Variants in FAM120A observed in about 807,000 individuals in gnomAD.
FAM120A encodes the protein family with sequence similarity 120 member A.
A neutral mutation model predicts 109.7 loss-of-function variants in FAM120A; 15 were observed. That is an observed-to-expected ratio of 0.14 (90% CI 0.09 to 0.21). The LOEUF (loss-of-function observed/expected upper bound fraction) is 0.21, where lower values mean the gene tolerates loss of function less well. Ranked by LOEUF, FAM120A falls within the 10% of genes least tolerant of loss-of-function variation. FAM120A has a pLI of 1.00. For missense variants in FAM120A, 899 were observed against 1,439.3 expected (o/e 0.62, Z 6.07); for synonymous variants, 493 against 572.8 (o/e 0.86, Z 1.99).
At position 93,500,791 on chromosome 9, in the gene FAM120A, A is replaced by C. The variant is rs1470920727; in HGVS notation, c.1030+1905A>C. ...TCAGTGTGTCTACTGTATACCCTGC[A>C]CACAGAAGATGTCTAATAATTGCTT... On this transcript the variant is annotated intron_variant, in intron 5 of 17. Transcript: ENST00000277165. The surrounding 1 kb of genome is among the most constrained non-coding windows in gnomAD (Gnocchi z 4.6). Among the ~76,000 whole-genome samples, 1 of 152,204 alleles carries C rather than the reference A, an allele frequency of 6.6e-6. No homozygotes were observed. The highest frequency in any genetic ancestry group is 1.5e-5 in the Non-Finnish European group (1 of 68,040).
intron 5 of FAM120A, among the ~76,000 whole-genome samples, chr9:93,499,402 C>T (rs141263438): frequency 0.018 from 2,711 of 152,022 alleles, 29 homozygotes; most frequent in Non-Finnish European, 0.024. Context: ...ATTTTTGTGC[C>T]CCAGCCTCCT....
intron 1 of FAM120A, among the ~76,000 whole-genome samples, chr9:93,468,505 TA>T (rs1858157659): frequency 6.6e-6 from 1 of 152,200 alleles, no homozygotes; most frequent in African/African-American, 2.4e-5. Context: ...AGCTTTTCAT[TA>T]GGTTTTTTTC....
intron 11 of FAM120A, 90 bp from the exon 12 acceptor site, chr9:93,550,487 C>T (rs943022757): frequency 8.9e-6 from 8 of 896,230 alleles, no homozygotes; most frequent in Admixed American, 1.7e-5. Flanking sequence ...TCACATCATC[C>T]GGGATTTACC....
In FAM120A at chr9:93,532,899, G is replaced by A. The variant is rs1002058946; in HGVS notation, c.1909+570G>A. 1.3e-5 allele frequency among the ~76,000 whole-genome samples: 2 copies of A among 152,182 alleles called. No individual in the cohort carries two copies. The highest frequency in any genetic ancestry group is 4.8e-5 in the African/African-American group (2 of 41,442). On this transcript the variant is annotated intron_variant, in intron 10 of 17. Transcript: ENST00000277165. This position sits in a 1 kb window ranked among gnomAD's most constrained non-coding sequence, Gnocchi z 4.3. ...CTTCCAGCTGATCAACTCTGGGAGT[G>A]GGGGGTGCAGGTGGAAACACTGAAA...
At chr9:93,490,240 T>C (rs1451098842) in intron 3 of FAM120A, among the ~76,000 whole-genome samples, 2 of 152,238 alleles carry the variant, frequency 1.3e-5, no homozygotes, top group Non-Finnish European at 2.9e-5. Context: ...CAATGGTACT[T>C]TGTGAAACCT....
At chr9:93,474,707 C>T (rs1176097240) in intron 2 of FAM120A, among the ~76,000 whole-genome samples, 1 of 152,138 alleles carries the variant, frequency 6.6e-6, no homozygotes, top group Non-Finnish European at 1.5e-5. Flanking sequence ...CATTCTCCCA[C>T]CTCAGCCTCC....
intron 12 of FAM120A, among the ~76,000 whole-genome samples, chr9:93,554,852 C>T (rs773889352): frequency 2.6e-5 from 4 of 152,166 alleles, no homozygotes; most frequent in Admixed American, 6.5e-5. Flanking sequence ...GAGAGGGGCA[C>T]GGAGGCCCCT....
chr9:93,453,214 A>C, intron 1 of FAM120A: 2 of 1,003,090 alleles, frequency 2.0e-6, no homozygotes, highest in Non-Finnish European at 2.4e-6. Flanking sequence ...GTGCACAGTA[A>C]GTATTCAGTG....
At chr9:93,524,873 C>T (rs927467326) in intron 7 of FAM120A, among the ~76,000 whole-genome samples, 2 of 152,100 alleles carry the variant, frequency 1.3e-5, no homozygotes, top group African/African-American at 4.8e-5. Flanking sequence ...CGGTGCCTGT[C>T]TCAGCACGTC....
At position 93,452,176 on chromosome 9, in the gene FAM120A, C is replaced by T; in HGVS notation, c.261C>T (p.Gly87=). 3.1e-6 allele frequency: 5 copies of T among 1,611,962 alleles called. No individual in the cohort carries two copies. Among genetic ancestry groups the T allele is most frequent in the Middle Eastern group, 1.7e-4 (1 of 6,060 alleles). ...YLAALAKACF[G]GNIELFVFFN... The stretch of plus-strand genomic sequence containing the variant: ...CGGCGCTGGCCAAGGCCTGCTTCGG[C>T]GGCAACATCGAGCTCTTCGTCTTCT... The change falls in exon 1 of 18, where the codon GGC becomes GGT. Residue 87 remains glycine, a synonymous_variant. Coordinates refer to ENST00000277165, the MANE Select transcript of FAM120A (RefSeq NM_014612.5). This position sits in a 1 kb window ranked among gnomAD's most constrained non-coding sequence, Gnocchi z 7.0.
chr9:93,463,436 T>A (rs1028592989), intron 1 of FAM120A, among the ~76,000 whole-genome samples: 1 of 152,256 alleles, frequency 6.6e-6, no homozygotes, highest in African/African-American at 2.4e-5. Flanking sequence ...GAGATTTCTT[T>A]TTAGAGGCAT....
chr9:93,556,595 T>C lies in FAM120A; in HGVS notation c.2484+4T>C. ...CATTGACCTCTGTGATGGTCAGGTATGCTGCGGGGCCGGGTGGCTGCCTTT... is the reference window on the plus strand; with the variant it reads ...CATTGACCTCTGTGATGGTCAGGTACGCTGCGGGGCCGGGTGGCTGCCTTT... On this transcript the variant is annotated splice_donor_region_variant and intron_variant, in intron 13 of 17. Coordinates refer to ENST00000277165, the MANE Select transcript of FAM120A (RefSeq NM_014612.5). 2 of 1,612,810 alleles carry C rather than the reference T, an allele frequency of 1.2e-6. No homozygotes were observed. Among genetic ancestry groups the C allele is most frequent in the Admixed American group, 1.7e-5 (1 of 60,022 alleles).
At chr9:93,547,399 G>A (rs1861927434) in intron 11 of FAM120A, among the ~76,000 whole-genome samples, 1 of 152,184 alleles carries the variant, frequency 6.6e-6, no homozygotes, top group Non-Finnish European at 1.5e-5. Context: ...GGTCAGCCTG[G>A]GTGACACAGC....
intron 15 of FAM120A, among the ~76,000 whole-genome samples, chr9:93,559,587 A>G (rs967163626): frequency 3.3e-5 from 5 of 152,232 alleles, no homozygotes; most frequent in Admixed American, 6.5e-5. Flanking sequence ...GTGCAGCTGC[A>G]TGCCTCTCTG....
intron 15 of FAM120A, among the ~76,000 whole-genome samples, chr9:93,560,015 C>T (rs1278662612): frequency 6.6e-6 from 1 of 152,208 alleles, no homozygotes; most frequent in East Asian, 1.9e-4. Flanking sequence ...TATCTTGGGC[C>T]AGGCACAGTG....
intron 10 of FAM120A, among the ~76,000 whole-genome samples, chr9:93,540,045 G>A (rs748111831): frequency 1.3e-4 from 20 of 152,212 alleles, no homozygotes; most frequent in Non-Finnish European, 2.9e-4. Flanking sequence ...GGTGCTAGGT[G>A]CTTTTCATGT....
chr9:93,554,192 C>CATT (rs1311314241), intron 12 of FAM120A, among the ~76,000 whole-genome samples: 1 of 144,484 alleles, frequency 6.9e-6, no homozygotes, highest in African/African-American at 2.5e-5. Flanking sequence ...AGCCTTGCTG[C>CATT]ATTCTTCCTG....
chr9:93,518,557 A>G (rs536935027), intron 7 of FAM120A, among the ~76,000 whole-genome samples: 166 of 152,372 alleles, frequency 1.1e-3, no homozygotes, highest in Non-Finnish European at 1.9e-3. Flanking sequence ...TTTATTTACC[A>G]GTGAACAGGG....
intron 3 of FAM120A, among the ~76,000 whole-genome samples, chr9:93,477,140 G>A (rs1858583011): frequency 6.6e-6 from 1 of 152,032 alleles, no homozygotes; most frequent in African/African-American, 2.4e-5. Context: ...GGTTAAATTG[G>A]GTGTTTTCCG....
Sources: allele counts gnomAD v4.1 joint callset (sites outside exome capture counted in the v4.1 genomes callset), GRCh38; gene constraint gnomAD v4.1.1; non-coding constraint Gnocchi (gnomAD v3.1); transcripts MANE v1.5; gene names NCBI Gene and HGNC (gene_info 2026-07-23, HGNC 2026-07-21).